The following GASK1A variants were observed in gnomAD, a reference collection of about 807,000 sequenced individuals.
GASK1A encodes golgi associated kinase 1A.
A neutral mutation model predicts 41.2 loss-of-function variants in GASK1A; 40 were observed. The observed-to-expected ratio is 0.97, with a 90% CI of 0.75 to 1.27. The LOEUF (loss-of-function observed/expected upper bound fraction) is 1.27. GASK1A is among the 50% of genes most tolerant of loss of function. The pLI is 0.00. For missense variants in GASK1A, 678 were observed against 745.1 expected, an observed-to-expected ratio of 0.91 and a Z score of 1.05; for synonymous variants, 316 against 307.1, an observed-to-expected ratio of 1.03 and a Z score of -0.30.
At chr3:43,025,256 G>A (rs1183072323) in intron 1 of GASK1A, among the ~76,000 whole-genome samples, 1 of 152,206 alleles carries the variant, frequency 6.6e-6, no homozygotes, top group Non-Finnish European at 1.5e-5. Flanking sequence ...ATGAGAAACG[G>A]ATTGGTTCAA....
intron 1 of GASK1A, among the ~76,000 whole-genome samples, chr3:43,023,998 G>C (rs1458425773): frequency 1.3e-5 from 2 of 152,186 alleles, no homozygotes; most frequent in African/African-American, 4.8e-5. Context: ...TGTGGGGGCA[G>C]CTGGAGTCAA....
intron 1 of GASK1A, among the ~76,000 whole-genome samples, chr3:43,012,724 G>A (rs557098340): frequency 2.4e-4 from 36 of 150,830 alleles, no homozygotes; most frequent in African/African-American, 8.6e-4. Context: ...TGAAGTCACA[G>A]GAAGGGAAGT....
chr3:43,037,894 G>A (rs2089613132), intron 2 of GASK1A, among the ~76,000 whole-genome samples: 1 of 152,072 alleles, frequency 6.6e-6, no homozygotes, highest in Admixed American at 6.5e-5. Context: ...CTTTCTTTAA[G>A]ACTTTGATTT....
intron 1 of GASK1A, among the ~76,000 whole-genome samples, chr3:42,985,546 CGTGTGTGTGTGT>C (rs56195274): frequency 1.6e-4 from 22 of 134,798 alleles, no homozygotes; most frequent in African/African-American, 3.7e-4. Flanking sequence ...CCTGTGCATA[CGTGTGTGTGTGT>C]GTGTGTGTGT....
chr3:43,003,795 T>C (rs2089421537), intron 1 of GASK1A, among the ~76,000 whole-genome samples: 1 of 152,216 alleles, frequency 6.6e-6, no homozygotes, highest in Non-Finnish European at 1.5e-5. Flanking sequence ...ATGCTTCTAA[T>C]TTGTAAATAG....
At chr3:43,044,089 T>G (rs904231439) in intron 2 of GASK1A, among the ~76,000 whole-genome samples, 1 of 152,216 alleles carries the variant, frequency 6.6e-6, no homozygotes, top group African/African-American at 2.4e-5. Flanking sequence ...GCTGCAAGTT[T>G]AAATCTGCAC....
chr3:43,004,818 G>A (rs2089427970), intron 1 of GASK1A, among the ~76,000 whole-genome samples: 1 of 152,208 alleles, frequency 6.6e-6, no homozygotes, highest in Non-Finnish European at 1.5e-5. Flanking sequence ...GTAACAAATT[G>A]CTAGGAACTT....
rs1248209722 is a variant in GASK1A, at chr3:43,055,505, T to C, written c.1487T>C (p.Leu496Pro). The C allele has an allele frequency of 1.3e-6, 2 of 1,551,960 alleles. No individual in the cohort carries two copies. Among genetic ancestry groups the C allele is most frequent in the Non-Finnish European group, 1.7e-6 (2 of 1,147,058 alleles). ...AGNLQHPEDK[L>P]NFRLLEGIDG... ...AACCTTCAGCACCCTGAGGACAAGC[T>C]GAACTTTCGGCTGCTGGAGGGCATA... Residue 496 changes from leucine (L) to proline (P), a missense_variant, in exon 4 of 5, where the codon CTG becomes CCG. Physicochemically the swap from Leu to Pro is moderately conservative, Grantham distance 98. Coordinates refer to ENST00000430121, the MANE Select transcript of GASK1A (RefSeq NM_001129908.3).
chr3:43,008,085 A>T (rs2089445585), intron 1 of GASK1A, among the ~76,000 whole-genome samples: 1 of 152,210 alleles, frequency 6.6e-6, no homozygotes, highest in South Asian at 2.1e-4. Context: ...TAATAAACTG[A>T]TGGAGTTAGC....
At chr3:43,028,103 T>C (rs2089554394) in intron 1 of GASK1A, among the ~76,000 whole-genome samples, 1 of 152,220 alleles carries the variant, frequency 6.6e-6, no homozygotes, top group Non-Finnish European at 1.5e-5. Context: ...TAGAAAGGAA[T>C]GTCTGGGTTA....
chr3:42,982,555 C>T (rs568659799), intron 1 of GASK1A, among the ~76,000 whole-genome samples: 3 of 152,224 alleles, frequency 2.0e-5, no homozygotes, highest in East Asian at 1.9e-4. Flanking sequence ...TATAACCATA[C>T]ATTTAATGCT....
chr3:43,031,494 G>A (rs960584883), intron 1 of GASK1A, among the ~76,000 whole-genome samples: 5 of 152,186 alleles, frequency 3.3e-5, no homozygotes, highest in African/African-American at 9.7e-5. Context: ...CTGGTCCCAC[G>A]TGAACTTCAG....
chr3:43,047,686 G>A (rs2089670766), intron 2 of GASK1A, among the ~76,000 whole-genome samples: 1 of 152,082 alleles, frequency 6.6e-6, no homozygotes, highest in Non-Finnish European at 1.5e-5. Flanking sequence ...TGCTGGACAT[G>A]AACAAGGAAA....
intron 1 of GASK1A, among the ~76,000 whole-genome samples, chr3:42,982,455 T>C (rs1559394876): frequency 6.6e-6 from 1 of 152,242 alleles, no homozygotes; most frequent in Non-Finnish European, 1.5e-5. Flanking sequence ...AGCTGAGATT[T>C]CACCACACAT....
chr3:43,037,362 A>G, intron 2 of GASK1A: 1 of 939,080 alleles, frequency 1.1e-6, no homozygotes, highest in Non-Finnish European at 1.8e-6. Flanking sequence ...AATGTGCAAT[A>G]CAAATCCTCA....
intron 1 of GASK1A, among the ~76,000 whole-genome samples, chr3:42,987,996 C>A (rs2089321000): frequency 5.1e-4 from 1 of 1,948 alleles, no homozygotes; most frequent in Non-Finnish European, 9.3e-3. Context: ...GAGACTCTAG[C>A]TCAAAAAAAA....
intron 1 of GASK1A, among the ~76,000 whole-genome samples, chr3:43,005,539 A>G (rs942336130): frequency 3.3e-5 from 5 of 152,136 alleles, no homozygotes; most frequent in African/African-American, 9.7e-5. Flanking sequence ...TCAGATGGCT[A>G]TTGGAGTACT....
At chr3:43,051,765 A>ATGCCTTT (rs1366715632) in intron 2 of GASK1A, among the ~76,000 whole-genome samples, 1 of 152,210 alleles carries the variant, frequency 6.6e-6, no homozygotes, top group Non-Finnish European at 1.5e-5. Flanking sequence ...CCAAAAAACC[A>ATGCCTTT]TGCCTTTTAG....
chr3:43,032,925 C>T lies in GASK1A; in HGVS notation c.662C>T (p.Thr221Ile), dbSNP rs1052124888. 7.1e-6 allele frequency: 11 copies of T among 1,551,124 alleles called. No homozygotes were observed. Among genetic ancestry groups the T allele is most frequent in the Non-Finnish European group, 9.6e-6 (11 of 1,146,828 alleles). The change falls in exon 2 of 5, where the codon ACC becomes ATC. Residue 221 changes from threonine to isoleucine, a missense_variant. By Grantham distance (89) the Thr-to-Ile change is moderately conservative (BLOSUM62 -1). Coordinates refer to ENST00000430121, the MANE Select transcript of GASK1A (RefSeq NM_001129908.3). Reference protein sequence around the residue: ...LTGGQQAEDPTLASGAHQWPG... With the variant: ...LTGGQQAEDPILASGAHQWPG... ...GGTGGGCAACAAGCAGAGGATCCCA[C>T]CTTGGCCTCAGGAGCTCATCAGTGG...
Sources: gnomAD v4.1 joint callset for allele counts (sites outside exome capture counted in the v4.1 genomes callset) on GRCh38, gnomAD v4.1.1 for gene constraint, MANE v1.5 for transcripts, NCBI Gene and HGNC (gene_info 2026-07-23, HGNC 2026-07-21) for gene names.